LRP1B: variants seen among roughly 807,000 people sequenced by gnomAD.
LRP1B encodes the protein low-density lipoprotein receptor-related protein 1B.
In LRP1B, 217 loss-of-function variants were observed where a neutral mutation model predicts 556.6. The observed-to-expected ratio is 0.39, with a 90% CI of 0.35 to 0.44. LRP1B has a LOEUF of 0.44. LRP1B is among the 20% of genes least tolerant of loss of function. The pLI is 1.00. For missense variants in LRP1B, 5,053 were observed against 5,620.8 expected, an observed-to-expected ratio of 0.90 and a Z score of 3.23; for synonymous variants, 2,047 against 1,865.8, an observed-to-expected ratio of 1.10 and a Z score of -2.50.
intron 10 of LRP1B, among the ~76,000 whole-genome samples, chr2:141,049,600 C>G (rs1268381869): frequency 6.6e-6 from 1 of 151,894 alleles, no homozygotes. Flanking sequence ...CTAACTGTAC[C>G]ATTCATTATA....
In LRP1B at chr2:140,370,806, G is replaced by C. The variant is rs777683696; in HGVS notation, c.10912C>G (p.Arg3638Gly). 6.2e-7 allele frequency: 1 copy of C among 1,612,480 alleles called. No individual in the cohort carries two copies. Among genetic ancestry groups the C allele is most frequent in the South Asian group, 1.1e-5 (1 of 91,040 alleles). Residue 3638 changes from arginine (R) to glycine (G), a missense_variant, in exon 71 of 91, where the codon CGG becomes GGG. This residue lies in a region of LRP1B where 599 missense variants were observed against 648.4 expected (regional missense o/e 0.92). Transcript: ENST00000389484. ...CVTECKEDQF[R>G]CKNKAHCIPI... ...ATACAGTGGGCTTTATTTTTGCACCGAAACTGATCTTCCTTACATTCAGTC... is the reference window on the plus strand; with the variant it reads ...ATACAGTGGGCTTTATTTTTGCACCCAAACTGATCTTCCTTACATTCAGTC...
intron 7 of LRP1B, among the ~76,000 whole-genome samples, chr2:141,177,440 T>C (rs987961025): frequency 6.6e-6 from 1 of 152,066 alleles, no homozygotes; most frequent in Admixed American, 6.6e-5. Flanking sequence ...TAACTATAAA[T>C]GGAAAATGGA....
intron 1 of LRP1B, among the ~76,000 whole-genome samples, chr2:142,112,737 C>T (rs1285197973): frequency 6.6e-6 from 1 of 152,026 alleles, no homozygotes; most frequent in Non-Finnish European, 1.5e-5. Context: ...TTCTACTCTT[C>T]GAATTGGTTC....
At chr2:141,412,585 T>C (rs1690894695) in intron 3 of LRP1B, among the ~76,000 whole-genome samples, 1 of 152,178 alleles carries the variant, frequency 6.6e-6, no homozygotes, top group South Asian at 2.1e-4. Flanking sequence ...GCTAGAAAAG[T>C]GAACAAGAAA....
intron 15 of LRP1B, among the ~76,000 whole-genome samples, chr2:141,001,250 T>C (rs1697413020): frequency 6.6e-6 from 1 of 152,070 alleles, no homozygotes; most frequent in Non-Finnish European, 1.5e-5. Context: ...TAAAACTAGA[T>C]TTAAAAATTC....
At chr2:141,614,110 A>AAAAAAAAAAAAAAAAAAAAAAAAAAAAT (rs1688211658) in intron 2 of LRP1B, among the ~76,000 whole-genome samples, 1 of 150,730 alleles carries the variant, frequency 6.6e-6, no homozygotes, top group Non-Finnish European at 1.5e-5. Context: ...AAGAAAGAAA[A>AAAAAAAAAAAAAAAAAAAAAAAAAAAAT]TGTTTACTTT....
chr2:141,458,549 A>G (rs1681725274), intron 3 of LRP1B, among the ~76,000 whole-genome samples: 1 of 152,192 alleles, frequency 6.6e-6, no homozygotes. Flanking sequence ...ACCTATCCAA[A>G]GCAAATATGA....
intron 7 of LRP1B, among the ~76,000 whole-genome samples, chr2:141,148,871 G>T (rs1268883979): frequency 6.6e-6 from 1 of 152,138 alleles, no homozygotes; most frequent in Non-Finnish European, 1.5e-5. Flanking sequence ...ATCACTTGAG[G>T]TTGGGAGTTT....
intron 15 of LRP1B, among the ~76,000 whole-genome samples, chr2:141,002,700 G>C (rs111662613): frequency 6.6e-6 from 1 of 151,990 alleles, no homozygotes; most frequent in Non-Finnish European, 1.5e-5. Flanking sequence ...TCTTCTTGAA[G>C]AAGTTATTTC....
At chr2:141,815,853 C>T (rs956764693) in intron 1 of LRP1B, among the ~76,000 whole-genome samples, 9 of 152,142 alleles carry the variant, frequency 5.9e-5, no homozygotes, top group South Asian at 4.1e-4. Flanking sequence ...TATTAAGGTC[C>T]GTAGCTTCAT....
chr2:141,249,803 C>T (rs1265713025), intron 4 of LRP1B, among the ~76,000 whole-genome samples: 1 of 152,056 alleles, frequency 6.6e-6, no homozygotes, highest in Non-Finnish European at 1.5e-5. Context: ...GTAATTAGGA[C>T]ATTATTGTAC....
At chr2:141,926,961 T>A (rs1700350411) in intron 1 of LRP1B, among the ~76,000 whole-genome samples, 1 of 152,126 alleles carries the variant, frequency 6.6e-6, no homozygotes, top group African/African-American at 2.4e-5. Context: ...GTCAAATTTT[T>A]AAAAAGACTC....
chr2:140,414,710 C>T (rs147471587), intron 66 of LRP1B, among the ~76,000 whole-genome samples: 4 of 152,260 alleles, frequency 2.6e-5, no homozygotes, highest in East Asian at 1.9e-4. Flanking sequence ...TGAGGAGGTA[C>T]GTCACCTCAG....
At chr2:141,241,134 A>G (rs1683856282) in intron 5 of LRP1B, among the ~76,000 whole-genome samples, 1 of 152,124 alleles carries the variant, frequency 6.6e-6, no homozygotes, top group African/African-American at 2.4e-5. Flanking sequence ...GTGTTGTATC[A>G]TTTGGATAGT....
At chr2:141,936,729 G>A (rs866339652) in intron 1 of LRP1B, among the ~76,000 whole-genome samples, 1 of 152,082 alleles carries the variant, frequency 6.6e-6, no homozygotes, top group Non-Finnish European at 1.5e-5. Context: ...TTAAGGTGCA[G>A]TTTCATCATT....
chr2:140,733,614 G>A (rs1270902353), intron 35 of LRP1B, among the ~76,000 whole-genome samples: 2 of 152,084 alleles, frequency 1.3e-5, no homozygotes, highest in Non-Finnish European at 2.9e-5. Flanking sequence ...AGGCACAAAA[G>A]AATATATATC....
intron 3 of LRP1B, among the ~76,000 whole-genome samples, chr2:141,277,884 T>G (rs1476962669): frequency 6.6e-6 from 1 of 152,046 alleles, no homozygotes; most frequent in Admixed American, 6.6e-5. Context: ...TATTTGCACA[T>G]TGGAAAGGCA....
At chr2:140,914,229 C>G (rs1694508728) in intron 21 of LRP1B, among the ~76,000 whole-genome samples, 1 of 151,794 alleles carries the variant, frequency 6.6e-6, no homozygotes, top group Non-Finnish European at 1.5e-5. Flanking sequence ...GTTGGCCACA[C>G]AAGGATCTGA....
intron 35 of LRP1B, among the ~76,000 whole-genome samples, chr2:140,742,231 A>G (rs1427324773): frequency 6.6e-6 from 1 of 152,230 alleles, no homozygotes; most frequent in Non-Finnish European, 1.5e-5. Flanking sequence ...GTACAGGCAC[A>G]GGGTGGGTGA....
Sources: gnomAD v4.1 joint callset for allele counts (sites outside exome capture counted in the v4.1 genomes callset) on GRCh38, gnomAD v4.1.1 for gene constraint, gnomAD v4.1.1 regional missense constraint, MANE v1.5 for transcripts, NCBI Gene and HGNC (gene_info 2026-07-23, HGNC 2026-07-21) for gene names.